Variants in DYRK1A observed in about 807,000 individuals in gnomAD.
DYRK1A encodes dual specificity tyrosine-phosphorylation-regulated kinase 1A.
DYRK1A carries 9 observed loss-of-function variants against 79.7 expected under a neutral mutation model. The ratio of observed to expected loss-of-function variants is 0.11; its 90% CI spans 0.07 to 0.20. DYRK1A has a LOEUF of 0.20. Among genes scored for constraint, DYRK1A ranks in the 10% least tolerant of loss-of-function variants. The pLI, the probability that DYRK1A is intolerant of heterozygous loss-of-function variation, is 1.00. For missense variants in DYRK1A, 622 were observed against 956.0 expected (o/e 0.65, Z 4.61); for synonymous variants, 349 against 329.7 (o/e 1.06, Z -0.63).
chr21:37,486,458 C>G lies in DYRK1A; in HGVS notation c.490-9C>G. 1 of 1,428,874 alleles carries G rather than the reference C, an allele frequency of 7.0e-7. No individual in the cohort carries two copies. Among genetic ancestry groups the G allele is most frequent in the African/African-American group, 1.5e-5 (1 of 67,834 alleles). The allele number at this position is 1,428,874 out of a possible 1,614,324, so 88.5% of individuals were successfully genotyped here. On this transcript the variant is annotated splice_polypyrimidine_tract_variant and intron_variant, in intron 5 of 11. Coordinates refer to ENST00000647188, the MANE Select transcript of DYRK1A (RefSeq NM_001347721.2). ...AATGAAATAGAGAATTATTCATCTT[C>G]TCTTTTAGGTTGTAAAGGCATATGA...
rs2148345327 is a variant in DYRK1A at position 37,366,955 on chromosome 21, AGAGC to A, written c.-748_-745del. ...TGATCGCGGCCCAGGTCGGCCTCAG[AGAGC>A]GGACACCCCGAGCGGGGGGTGCGGG... is the stretch of plus-strand genomic sequence containing the variant. On this transcript the variant is annotated 5_prime_UTR_variant, in exon 1 of 12. Coordinates refer to ENST00000647188, the MANE Select transcript of DYRK1A (RefSeq NM_001347721.2). 1.3e-5 allele frequency: 2 copies of A among 157,732 alleles called. No individual in the cohort carries two copies. Among genetic ancestry groups the A allele is most frequent in the Non-Finnish European group, 2.8e-5 (2 of 70,978 alleles). The allele number at this position is 157,732 out of a possible 1,614,324, so 9.8% of individuals were successfully genotyped here.
At chr21:37,479,508 A>AGT (rs1691037385) in intron 4 of DYRK1A, among the ~76,000 whole-genome samples, 1 of 149,662 alleles carries the variant, frequency 6.7e-6, no homozygotes, top group Admixed American at 6.7e-5. Flanking sequence ...ATTTCGCCAA[A>AGT]GTTAGTTTAC....
intron 2 of DYRK1A, among the ~76,000 whole-genome samples, chr21:37,469,719 G>C (rs564523794): frequency 6.6e-6 from 1 of 152,228 alleles, no homozygotes; most frequent in South Asian, 2.1e-4. Context: ...CTCTTATCAC[G>C]AGGATAGCAC....
intron 2 of DYRK1A, among the ~76,000 whole-genome samples, chr21:37,467,184 A>G (rs891860863): frequency 6.6e-6 from 1 of 152,018 alleles, no homozygotes; most frequent in Non-Finnish European, 1.5e-5. Context: ...TTCACCAGTG[A>G]ATCTACCACA....
Position 37,368,968 on chromosome 21 carries a change from T to C in DYRK1A, c.-77+1340T>C, listed in dbSNP as rs973178437. On this transcript the variant is annotated intron_variant, in intron 1 of 11. Transcript: ENST00000647188. ...CCTGTTAATAAACTTTTCAGGCCTT[T>C]CCCCCCCCAAGAAAACTATGTAGTC... Among the ~76,000 whole-genome samples the C allele has an allele frequency of 7.9e-5, 12 of 151,550 alleles. No individual in the cohort carries two copies. The South Asian group carries it at 8.4e-4, about 11-fold the overall frequency.
intron 7 of DYRK1A, among the ~76,000 whole-genome samples, chr21:37,490,895 G>C (rs1238317533): frequency 4.6e-5 from 7 of 151,960 alleles, no homozygotes; most frequent in Non-Finnish European, 1.5e-5. Flanking sequence ...CCCAAGTAAA[G>C]GTTTTAGTAT....
At chr21:37,426,472 C>G (rs951394694) in intron 2 of DYRK1A, among the ~76,000 whole-genome samples, 2 of 151,836 alleles carry the variant, frequency 1.3e-5, no homozygotes, top group African/African-American at 4.8e-5. Context: ...GAAAATGATA[C>G]AAACACTAAA....
At chr21:37,383,235 G>A (rs1213507511) in intron 1 of DYRK1A, among the ~76,000 whole-genome samples, 1 of 152,202 alleles carries the variant, frequency 6.6e-6, no homozygotes, top group African/African-American at 2.4e-5. Context: ...ATAGGCAGCA[G>A]TGACTGAGAT....
chr21:37,460,131 T>TA, intron 2 of DYRK1A, among the ~76,000 whole-genome samples: 1 of 152,264 alleles, frequency 6.6e-6, no homozygotes, highest in African/African-American at 2.4e-5. Flanking sequence ...GGTAAAGTGT[T>TA]AGTTTTTAAT....
At chr21:37,370,786 T>A (rs1332804479) in intron 1 of DYRK1A, among the ~76,000 whole-genome samples, 1 of 152,182 alleles carries the variant, frequency 6.6e-6, no homozygotes, top group Non-Finnish European at 1.5e-5. Flanking sequence ...TGATTTTACC[T>A]CCATATATGT....
intron 10 of DYRK1A, among the ~76,000 whole-genome samples, 196 bp downstream of exon 10, chr21:37,505,785 G>A (rs1182650182): frequency 6.6e-6 from 1 of 152,176 alleles, no homozygotes; most frequent in Non-Finnish European, 1.5e-5. Context: ...AATAAAATCT[G>A]CTTGGCAGTT....
chr21:37,419,871 T>G (rs1294755612), intron 1 of DYRK1A: 1 of 152,212 alleles, frequency 6.6e-6, no homozygotes, highest in African/African-American at 2.4e-5. Flanking sequence ...GATTGACATG[T>G]TGTCTTTCCT....
Position 37,472,734 on chromosome 21 carries a change from T to C in DYRK1A, c.61T>C (p.Phe21Leu). The C allele has an allele frequency of 6.2e-7, 1 of 1,611,108 alleles. No homozygotes were observed. Among genetic ancestry groups the C allele is most frequent in the East Asian group, 2.2e-5 (1 of 44,816 alleles). The change falls in exon 3 of 12, where the codon TTT becomes CTT. Residue 21 changes from phenylalanine (F) to leucine (L), a missense_variant. Transcript: ENST00000647188. ...TTCATCTGTTCGGCTTGCACCGTCA[T>C]TTTCATTCCATGCTGCTGGCCTTCA... ...KPSSVRLAPS[F>L]SFHAAGLQMA...
chr21:37,523,728 C>T lies in DYRK1A; in HGVS notation c.*11197C>T, dbSNP rs1417317784. 1 of 152,130 alleles carries T rather than the reference C, an allele frequency of 6.6e-6. No homozygotes were observed. The highest frequency in any genetic ancestry group is 1.5e-5 in the Non-Finnish European group (1 of 68,010). The allele number at this position is 152,130 out of a possible 1,614,324, so 9.4% of individuals were successfully genotyped here. On this transcript the variant is annotated 3_prime_UTR_variant, in exon 12 of 12. Transcript: ENST00000647188. ...CACATTTTACATGGCTGAAAAACAT[C>T]AAATGATATTTCAGGACATAGGGAA... is the stretch of plus-strand genomic sequence containing the variant.
At chr21:37,394,368 A>G (rs185446165) in intron 1 of DYRK1A, among the ~76,000 whole-genome samples, 6 of 152,266 alleles carry the variant, frequency 3.9e-5, no homozygotes, top group Admixed American at 3.3e-4. Flanking sequence ...GCAGTATAAA[A>G]TTAATATAAT....
In DYRK1A at chr21:37,518,615, CTTTTTTTTT is replaced by C. The variant is rs750239891; in HGVS notation, c.*6095_*6103del. 3 of 125,488 alleles carry C rather than the reference CTTTTTTTTT, an allele frequency of 2.4e-5. No individual in the cohort carries two copies. Among genetic ancestry groups the C allele is most frequent in the East Asian group, 2.2e-4 (1 of 4,456 alleles). The allele number at this position is 125,488 out of a possible 1,614,324, so 7.8% of individuals were successfully genotyped here. On this transcript the variant is annotated 3_prime_UTR_variant, in exon 12 of 12. Coordinates refer to ENST00000647188, the MANE Select transcript of DYRK1A (RefSeq NM_001347721.2). ...TATGACGGAAGTCTGAATCCAAGGA[CTTTTTTTTT>C]TTTTTTTTTTGGAGACAGTCTTGCT...
intron 2 of DYRK1A, among the ~76,000 whole-genome samples, chr21:37,433,020 T>C (rs2050820870): frequency 7.0e-6 from 1 of 142,354 alleles, no homozygotes; most frequent in Non-Finnish European, 1.5e-5. Flanking sequence ...CTTAGAAAAC[T>C]TACTTTCTTT....
At chr21:37,433,047 ATATATAT>A (rs2050823755) in intron 2 of DYRK1A, among the ~76,000 whole-genome samples, 2 of 148,430 alleles carry the variant, frequency 1.3e-5, no homozygotes, top group African/African-American at 4.9e-5. Context: ...AATTCTAAAT[ATATATAT>A]ATATATATAT....
chr21:37,479,600 G>GTTT (rs1569362052), intron 4 of DYRK1A, among the ~76,000 whole-genome samples: 2 of 22,794 alleles, frequency 8.8e-5, no homozygotes, highest in East Asian at 5.6e-3. Flanking sequence ...TTTTGTTTTT[G>GTTT]TTTTTGTTTT....
Sources: allele counts gnomAD v4.1 joint callset (sites outside exome capture counted in the v4.1 genomes callset), GRCh38; gene constraint gnomAD v4.1.1; transcripts MANE v1.5; gene names NCBI Gene and HGNC (gene_info 2026-07-23, HGNC 2026-07-21).